AKAP12: variants seen among roughly 807,000 people sequenced by gnomAD.
AKAP12 encodes A-kinase anchoring protein 12.
In AKAP12, 32 loss-of-function variants were observed where a neutral mutation model predicts 79.9. The observed-to-expected ratio is 0.40, with a 90% CI of 0.30 to 0.54. The LOEUF is 0.54. Ranked by LOEUF, AKAP12 falls within the 20% of genes least tolerant of loss-of-function variation. The probability of loss-of-function intolerance (pLI) is 0.48; values close to 1 mark genes in which losing one functional copy is unlikely to be tolerated. For synonymous variants in AKAP12, 808 were observed against 857.0 expected, an observed-to-expected ratio of 0.94 and a Z score of 1.00; for missense variants, 2,074 against 2,177.0, an observed-to-expected ratio of 0.95 and a Z score of 0.94.
At position 151,351,868 on chromosome 6, in the gene AKAP12, C is replaced by T; in HGVS notation, c.3477C>T (p.Pro1159=). ...SQEMVMEQAI[P]PDSVETPTDS... ...AGATGGTGATGGAACAGGCTATCCC[C>T]CCTGACTCGGTGGAAACCCCTACAG... Residue 1159 remains proline, a synonymous_variant, in exon 4 of 5, where the codon CCC becomes CCT. Coordinates refer to ENST00000402676, the MANE Select transcript of AKAP12 (RefSeq NM_005100.4). This position sits in a 1 kb window ranked among gnomAD's most constrained non-coding sequence, Gnocchi z 4.4. 1.2e-6 allele frequency: 2 copies of T among 1,614,026 alleles called. No homozygotes were observed. The highest frequency in any genetic ancestry group is 2.2e-5 in the South Asian group (2 of 91,058).
intron 2 of AKAP12, among the ~76,000 whole-genome samples, chr6:151,265,709 A>G (rs973885317): frequency 3.3e-5 from 5 of 152,242 alleles, no homozygotes; most frequent in Non-Finnish European, 7.3e-5. Flanking sequence ...GTACATGCAA[A>G]GGTATATAAA....
At chr6:151,343,791 A>G (rs1778011243) in intron 3 of AKAP12, among the ~76,000 whole-genome samples, 2 of 139,604 alleles carry the variant, frequency 1.4e-5, no homozygotes, top group Admixed American at 8.5e-5. Flanking sequence ...TCAAAAAAAG[A>G]AAAAAAGAAA....
Position 151,351,040 on chromosome 6 carries a change from G to C in AKAP12, c.2649G>C (p.Glu883Asp). 2 of 1,614,148 alleles carry C rather than the reference G, an allele frequency of 1.2e-6. No homozygotes were observed. The highest frequency in any genetic ancestry group is 1.6e-4 in the Middle Eastern group (1 of 6,062). ...EQKAATEVSK[E>D]LSESQVHMMA... is the part of the protein sequence containing the mutation. ...AGGCAGCCACTGAGGTGTCCAAGGAGCTCAGCGAGAGTCAGGTTCATATGA... is the reference window on the plus strand; with the variant it reads ...AGGCAGCCACTGAGGTGTCCAAGGACCTCAGCGAGAGTCAGGTTCATATGA... The change falls in exon 4 of 5, where the codon GAG (glutamate) becomes GAC (aspartate). Residue 883 changes from glutamate to aspartate, a missense_variant. This residue lies in a region of AKAP12 where 1,428 missense variants were observed against 1,451.0 expected (regional missense o/e 0.98). Transcript: ENST00000402676. This position sits in a 1 kb window ranked among gnomAD's most constrained non-coding sequence, Gnocchi z 4.4.
rs143721071 is a variant in AKAP12 at position 151,351,081 on chromosome 6, C to G, written c.2690C>G (p.Ala897Gly). Residue 897 changes from alanine to glycine, a missense_variant, in exon 4 of 5, where the codon GCT becomes GGT. Transcript: ENST00000402676. This position sits in a 1 kb window ranked among gnomAD's most constrained non-coding sequence, Gnocchi z 4.4. Reference protein sequence around the residue: ...SQVHMMAAAVADGTRAATIIE... With the variant: ...SQVHMMAAAVGDGTRAATIIE... Reference sequence around the variant, plus strand: ...GTTCATATGATGGCAGCAGCTGTCGCTGACGGGACGAGGGCAGCTACCATT... The same window carrying G: ...GTTCATATGATGGCAGCAGCTGTCGGTGACGGGACGAGGGCAGCTACCATT... 3 of 1,614,198 alleles carry G rather than the reference C, an allele frequency of 1.9e-6. No individual in the cohort carries two copies. Among genetic ancestry groups the G allele is most frequent in the Non-Finnish European group, 2.5e-6 (3 of 1,180,030 alleles).
At position 151,350,083 on chromosome 6, in the gene AKAP12, G is replaced by C. The variant is rs1778234774; in HGVS notation, c.1692G>C (p.Glu564Asp). ...SPDSQEEQKG[E>D]SSASSPEEPE... ...ACAGCCAGGAGGAGCAAAAGGGCGA[G>C]AGCTCTGCCTCATCCCCTGAGGAGC... Residue 564 changes from glutamate (E) to aspartate (D), a missense_variant, in exon 4 of 5, where the codon GAG (glutamate) becomes GAC (aspartate). Physicochemically the swap from Glu to Asp is conservative, Grantham distance 45. Coordinates refer to ENST00000402676, the MANE Select transcript of AKAP12 (RefSeq NM_005100.4). The surrounding 1 kb of genome is among the most constrained non-coding windows in gnomAD (Gnocchi z 4.8). The C allele has an allele frequency of 1.2e-6, 2 of 1,613,996 alleles. No homozygotes were observed. The highest frequency in any genetic ancestry group is 1.7e-6 in the Non-Finnish European group (2 of 1,180,034).
At chr6:151,302,084 C>G (rs7741837) in intron 2 of AKAP12, among the ~76,000 whole-genome samples, 1 of 150,564 alleles carries the variant, frequency 6.6e-6, no homozygotes, top group Non-Finnish European at 1.5e-5. Context: ...GATCTCAGCT[C>G]GCTGCAACCT....
At chr6:151,259,137 TG>T (rs1422330820) in intron 2 of AKAP12, among the ~76,000 whole-genome samples, 1 of 151,066 alleles carries the variant, frequency 6.6e-6, no homozygotes, top group African/African-American at 2.4e-5. Context: ...CTCCACCTCC[TG>T]GGTTCAAGCA....
intron 2 of AKAP12, among the ~76,000 whole-genome samples, chr6:151,245,212 C>G (rs1224787100): frequency 6.6e-6 from 1 of 152,060 alleles, no homozygotes; most frequent in African/African-American, 2.4e-5. Context: ...GCATCATCCC[C>G]CATCTCTATA....
intron 2 of AKAP12, among the ~76,000 whole-genome samples, chr6:151,243,204 A>G (rs1797011083): frequency 6.6e-6 from 1 of 152,172 alleles, no homozygotes; most frequent in Non-Finnish European, 1.5e-5. Flanking sequence ...TCATACCCTG[A>G]GTTACTTAGG....
intron 3 of AKAP12, among the ~76,000 whole-genome samples, chr6:151,308,529 C>T (rs1391913940): frequency 6.6e-6 from 1 of 151,950 alleles, no homozygotes; most frequent in Non-Finnish European, 1.5e-5. Flanking sequence ...TATACCTTGT[C>T]CTTCCCAAGA....
At chr6:151,304,003 A>T (rs1347851832) in intron 2 of AKAP12, among the ~76,000 whole-genome samples, 8 of 152,122 alleles carry the variant, frequency 5.3e-5, no homozygotes, top group Admixed American at 2.0e-4. Flanking sequence ...ACCCCACCAG[A>T]ATTGCTTTGA....
chr6:151,348,681 C>CTCTCT, intron 3 of AKAP12, 30 bp from the exon 4 acceptor site: 1 of 218,350 alleles, frequency 4.6e-6, no homozygotes. Context: ...TTTCTCTTCT[C>CTCTCT]CCCACCCCCC....
intron 2 of AKAP12, among the ~76,000 whole-genome samples, chr6:151,277,184 A>G (rs1481332081): frequency 6.6e-6 from 1 of 152,202 alleles, no homozygotes; most frequent in Non-Finnish European, 1.5e-5. Flanking sequence ...ACCGTAGCAG[A>G]TGGAGAGATT....
At chr6:151,285,832 T>G (rs1776494076) in intron 2 of AKAP12, among the ~76,000 whole-genome samples, 1 of 152,094 alleles carries the variant, frequency 6.6e-6, no homozygotes, top group African/African-American at 2.4e-5. Context: ...AAAGGCTTTA[T>G]GATTGATCAT....
At chr6:151,262,184 G>A (rs1050660439) in intron 2 of AKAP12, among the ~76,000 whole-genome samples, 4 of 152,008 alleles carry the variant, frequency 2.6e-5, no homozygotes, top group Non-Finnish European at 4.4e-5. Flanking sequence ...TGATCCACCC[G>A]CCTCAGGTGA....
At chr6:151,316,810 TA>T (rs1777246456) in intron 3 of AKAP12, among the ~76,000 whole-genome samples, 1 of 152,152 alleles carries the variant, frequency 6.6e-6, no homozygotes, top group Non-Finnish European at 1.5e-5. Flanking sequence ...TTTGTATTTT[TA>T]GTAGAGACGG....
At chr6:151,321,123 A>G (rs1777373270) in intron 3 of AKAP12, among the ~76,000 whole-genome samples, 1 of 151,948 alleles carries the variant, frequency 6.6e-6, no homozygotes, top group Non-Finnish European at 1.5e-5. Flanking sequence ...AGTAGCTGGG[A>G]TTACAGGCGT....
rs745623339 is a variant in AKAP12 at position 151,325,732 on chromosome 6, T to C, written c.319+19829T>C. The C allele has an allele frequency of 6.5e-4, 996 of 1,535,976 alleles. 1 individual carries two copies. The highest frequency in any genetic ancestry group is 8.1e-4 in the Non-Finnish European group (929 of 1,140,962). On this transcript the variant is annotated intron_variant, in intron 3 of 4. Coordinates refer to ENST00000402676, the MANE Select transcript of AKAP12 (RefSeq NM_005100.4). ...CCGGTTCTCCCCCATCCTCCGGGAG[T>C]GTCTGGGCGCTCAGTCCGCTCTGAT...
At chr6:151,334,588 C>T (rs1777763093) in intron 3 of AKAP12, among the ~76,000 whole-genome samples, 1 of 149,422 alleles carries the variant, frequency 6.7e-6, no homozygotes, top group East Asian at 2.0e-4. Flanking sequence ...GAGCAAGACT[C>T]CGTCTCAAAA....
Sources: gnomAD v4.1 joint callset for allele counts (sites outside exome capture counted in the v4.1 genomes callset) on GRCh38, gnomAD v4.1.1 for gene constraint, gnomAD v4.1.1 regional missense constraint, Gnocchi (gnomAD v3.1) non-coding constraint, MANE v1.5 for transcripts, NCBI Gene and HGNC (gene_info 2026-07-23, HGNC 2026-07-21) for gene names.